The following RTKN2 variants were observed in gnomAD, a reference collection of about 807,000 sequenced individuals.
The protein encoded by RTKN2 is rhotekin 2.
RTKN2 carries 69 observed loss-of-function variants against 71.5 expected under a neutral mutation model. The ratio of observed to expected loss-of-function variants is 0.96; its 90% CI spans 0.79 to 1.18. The LOEUF (loss-of-function observed/expected upper bound fraction) is 1.18, where lower values mean the gene tolerates loss of function less well. Ranked by LOEUF, RTKN2 falls within the 50% of genes most tolerant of loss-of-function variation. RTKN2 has a pLI of 0.00. For missense variants in RTKN2, 724 were observed against 719.7 expected, an observed-to-expected ratio of 1.01 and a Z score of -0.07; for synonymous variants, 236 against 236.5, an observed-to-expected ratio of 1.00 and a Z score of 0.02.
At position 62,259,255 on chromosome 10, in the gene RTKN2, G is replaced by A. The variant is rs1468494035; in HGVS notation, c.257+3370C>T. On this transcript the variant is annotated intron_variant, in intron 2 of 11. Coordinates refer to ENST00000373789, the MANE Select transcript of RTKN2 (RefSeq NM_145307.4). ...GCCTCCCCAGTCATGTGAACCGTGA[G>A]TGCATTAAACCTCTTTTTCTTAATA... 6 of 427,698 alleles carry A rather than the reference G, an allele frequency of 1.4e-5. No individual in the cohort carries two copies. The Admixed American group carries it at 1.6e-4, about 11-fold the overall frequency. The allele number at this position is 427,698 out of a possible 1,614,324, so 26.5% of individuals were successfully genotyped here. A position where few individuals can be genotyped will look rare whatever the true frequency, so the allele number is the denominator to read the frequency against.
At chr10:62,184,280 T>G in exon 9 of RTKN2, 3 of 1,258,990 alleles carry the variant, frequency 2.4e-6, no homozygotes, top group Non-Finnish European at 3.4e-6. Flanking sequence ...TCACATTGTA[T>G]TTTAAATTTT....
In RTKN2 at chr10:62,268,537, C is replaced by T; in HGVS notation, c.60+14G>A. 1 of 1,552,960 alleles carries T rather than the reference C, an allele frequency of 6.4e-7. No individual in the cohort carries two copies. Among genetic ancestry groups the T allele is most frequent in the Non-Finnish European group, 8.7e-7 (1 of 1,147,944 alleles). On this transcript the variant is annotated intron_variant, in intron 1 of 11. Transcript: ENST00000373789. ...TCCCTCACCTTCCGCGGCAGGGTCC[C>T]TCCCGCAACTCACCTGCTGGGTGGG... is the stretch of plus-strand genomic sequence containing the variant.
At chr10:62,254,057 T>C (rs1842629661) in intron 2 of RTKN2, among the ~76,000 whole-genome samples, 1 of 152,106 alleles carries the variant, frequency 6.6e-6, no homozygotes, top group Non-Finnish European at 1.5e-5. Flanking sequence ...TCCAAAAAAG[T>C]AATTAATTCA....
At chr10:62,217,396 T>C (rs1194091545) in intron 8 of RTKN2, 147 bp from the exon 9 acceptor site, 12 of 594,382 alleles carry the variant, frequency 2.0e-5, no homozygotes, top group Middle Eastern at 6.7e-4. Context: ...ATACAAAAGG[T>C]TAATTGCCCC....
intron 5 of RTKN2, among the ~76,000 whole-genome samples, chr10:62,237,915 A>T (rs954782136): frequency 4.0e-5 from 6 of 151,752 alleles, no homozygotes; most frequent in Non-Finnish European, 7.4e-5. Context: ...AAATGTTAAG[A>T]TTGGCTTTAC....
chr10:62,262,672 C>T lies in RTKN2; in HGVS notation c.210G>A (p.Ser70=), dbSNP rs1252827376. ...VCNARLMAYT[S]ELQKLEEQIA... ...TCTGTTCTTCTAATTTCTGTAGCTC[C>T]GATGTATAGGCCATTAGTCGAGCAT... Residue 70 remains serine, a synonymous_variant, in exon 2 of 12, where the codon TCG becomes TCA. Transcript: ENST00000373789. 5.0e-6 allele frequency: 8 copies of T among 1,612,208 alleles called. No homozygotes were observed. Among genetic ancestry groups the T allele is most frequent in the South Asian group, 3.3e-5 (3 of 90,690 alleles).
chr10:62,210,395 T>C (rs1446024893), intron 9 of RTKN2, among the ~76,000 whole-genome samples: 1 of 152,180 alleles, frequency 6.6e-6, no homozygotes, highest in East Asian at 1.9e-4. Context: ...TGGGTTCATT[T>C]ATACTATTCT....
In RTKN2 at chr10:62,222,470, A is replaced by G. The variant is rs1171931155; in HGVS notation, c.781+768T>C. 4.6e-5 allele frequency among the ~76,000 whole-genome samples: 7 copies of G among 152,276 alleles called. 1 individual carries two copies. The South Asian group carries it at 1.4e-3, about 32-fold the overall frequency. On this transcript the variant is annotated intron_variant, in intron 7 of 11. Transcript: ENST00000373789. ...TCATGAACTTTTCCCTATTTTTAACATAATTTCTCATTGTGAAACAAAAAA... is the reference window on the plus strand; with the variant it reads ...TCATGAACTTTTCCCTATTTTTAACGTAATTTCTCATTGTGAAACAAAAAA...
chr10:62,246,413 A>G (rs1168028986), intron 2 of RTKN2, among the ~76,000 whole-genome samples: 1 of 152,082 alleles, frequency 6.6e-6, no homozygotes, highest in Non-Finnish European at 1.5e-5. Flanking sequence ...TTCATATATT[A>G]CATTTCTAAC....
At chr10:62,243,174 C>T (rs777551936) in intron 3 of RTKN2, among the ~76,000 whole-genome samples, 1 of 140,682 alleles carries the variant, frequency 7.1e-6, no homozygotes, top group Non-Finnish European at 1.5e-5. Flanking sequence ...TGATGTTCCC[C>T]TTCCTGTGTC....
chr10:62,197,212 A>C lies in RTKN2; in HGVS notation c.*696T>G. 1 of 985,436 alleles carries C rather than the reference A, an allele frequency of 1.0e-6. No homozygotes were observed. The highest frequency in any genetic ancestry group is 1.2e-6 in the Non-Finnish European group (1 of 829,558). The allele number at this position is 985,436 out of a possible 1,614,324, so 61.0% of individuals were successfully genotyped here. On this transcript the variant is annotated 3_prime_UTR_variant, in exon 12 of 12. Coordinates refer to ENST00000373789, the MANE Select transcript of RTKN2 (RefSeq NM_145307.4). ...ATTGAATGTAAAGAGCATTTCATCT[A>C]CCATTTCTCTAAACTAGTAAGTGTT...
chr10:62,209,574 C>A (rs1299220867), intron 9 of RTKN2, among the ~76,000 whole-genome samples: 1 of 152,052 alleles, frequency 6.6e-6, no homozygotes, highest in Non-Finnish European at 1.5e-5. Flanking sequence ...GGTATTAAGC[C>A]TAGTAACTAT....
At chr10:62,211,925 A>G (rs1335194491) in intron 9 of RTKN2, among the ~76,000 whole-genome samples, 1 of 152,054 alleles carries the variant, frequency 6.6e-6, no homozygotes, top group East Asian at 1.9e-4. Flanking sequence ...TGACCTCCCA[A>G]AGTGCTGGGA....
intron 7 of RTKN2, among the ~76,000 whole-genome samples, chr10:62,219,596 TG>T (rs1286707974): frequency 1.3e-5 from 2 of 152,228 alleles, no homozygotes; most frequent in Non-Finnish European, 2.9e-5. Context: ...TAATACATTT[TG>T]GGGTACAGAC....
rs1412992409 is a variant in RTKN2, at chr10:62,193,699, G to A, written c.*4209C>T. 17 of 984,812 alleles carry A rather than the reference G, an allele frequency of 1.7e-5. No homozygotes were observed. Among genetic ancestry groups the A allele is most frequent in the Non-Finnish European group, 1.9e-5 (16 of 829,510 alleles). 61.0% of individuals were successfully genotyped at this position (984,812 alleles called of 1,614,324 possible). ...AAGGAGACTCCTTGTGGCTAGTAGC[G>A]ACTGAATATCCTACGTACCTAATTT... On this transcript the variant is annotated 3_prime_UTR_variant, in exon 12 of 12. Transcript: ENST00000373789.
chr10:62,241,015 C>G (rs1477731173), intron 4 of RTKN2, 127 bp downstream of exon 4: 1 of 583,020 alleles, frequency 1.7e-6, no homozygotes, highest in Non-Finnish European at 3.1e-6. Flanking sequence ...GAAAACAGTT[C>G]AAGATGCTGC....
At chr10:62,256,665 C>T (rs1842681216) in intron 2 of RTKN2, among the ~76,000 whole-genome samples, 2 of 151,850 alleles carry the variant, frequency 1.3e-5, no homozygotes, top group East Asian at 1.9e-4. Flanking sequence ...TGCATGTATA[C>T]ACATGCTAGT....
At chr10:62,246,374 C>T (rs948663971) in intron 2 of RTKN2, among the ~76,000 whole-genome samples, 2 of 151,888 alleles carry the variant, frequency 1.3e-5, no homozygotes, top group Non-Finnish European at 2.9e-5. Flanking sequence ...TGTCCATGTC[C>T]CCAGAAGTAT....
At chr10:62,232,319 T>C (rs1282487338) in intron 6 of RTKN2, among the ~76,000 whole-genome samples, 4 of 148,390 alleles carry the variant, frequency 2.7e-5, no homozygotes, top group African/African-American at 7.3e-5. Flanking sequence ...TTCTTTCTTT[T>C]TTTTTTTTTT....
Sources: gnomAD v4.1 joint callset for allele counts (sites outside exome capture counted in the v4.1 genomes callset) on GRCh38, gnomAD v4.1.1 for gene constraint, MANE v1.5 for transcripts, NCBI Gene and HGNC (gene_info 2026-07-23, HGNC 2026-07-21) for gene names.